The following ZEB2 variants were observed in gnomAD, a reference collection of about 807,000 sequenced individuals.
The protein encoded by ZEB2 is zinc finger E-box binding homeobox 2, also known as zinc finger E-box-binding homeobox 2.
Under a neutral mutation model 99.9 loss-of-function variants are expected in ZEB2, and 6 were observed. The observed-to-expected ratio is 0.06, with a 90% confidence interval of 0.03 to 0.12. ZEB2 has a LOEUF of 0.12. Ranked by LOEUF, ZEB2 falls within the 10% of genes least tolerant of loss-of-function variation. The pLI, the probability that ZEB2 is intolerant of heterozygous loss-of-function variation, is 1.00. For missense variants in ZEB2, 969 were observed against 1,502.8 expected (o/e 0.64, Z 5.87); for synonymous variants, 517 against 542.5 (o/e 0.95, Z 0.65).
chr2:144,398,243 A>G (rs1703256031), intron 8 of ZEB2, 58 bp downstream of exon 8: 2 of 1,604,478 alleles, frequency 1.2e-6, no homozygotes, highest in African/African-American at 1.3e-5. Context: ...CTACATGCAC[A>G]TAATCAAAAT....
intron 2 of ZEB2, among the ~76,000 whole-genome samples, chr2:144,483,429 G>A (rs909449851): frequency 4.6e-5 from 7 of 152,050 alleles, no homozygotes; most frequent in Non-Finnish European, 1.0e-4. Flanking sequence ...ACCATGAGTC[G>A]CAAATGTTAC....
chr2:144,514,576 A>G (rs1705098164), intron 2 of ZEB2: 1 of 152,266 alleles, frequency 6.6e-6, no homozygotes, highest in Non-Finnish European at 1.5e-5. Flanking sequence ...TCCCAAAGGG[A>G]AAGGCATTGG....
intron 2 of ZEB2, among the ~76,000 whole-genome samples, chr2:144,485,660 C>T (rs998632078): frequency 6.6e-5 from 10 of 152,140 alleles, no homozygotes; most frequent in Admixed American, 2.6e-4. Context: ...CACGCTGTCA[C>T]CTGAGCTGGG....
In ZEB2 at chr2:144,468,373, G is replaced by T. The variant is rs16823784; in HGVS notation, c.74-38347C>A. Among the ~76,000 whole-genome samples the T allele has an allele frequency of 9.9e-3, 1,499 of 152,166 alleles. 21 individuals carry two copies. The highest frequency in any genetic ancestry group is 0.034 in the African/African-American group (1,398 of 41,516). On this transcript the variant is annotated intron_variant, in intron 2 of 9. Coordinates refer to ENST00000627532, the MANE Select transcript of ZEB2 (RefSeq NM_014795.4). ...ATAAAACCATTTCATCTTGATGTTT[G>T]AAAAATCCTTTCATTACAAGAATAG...
At chr2:144,449,286 G>A (rs1387435186) in intron 2 of ZEB2, among the ~76,000 whole-genome samples, 1 of 152,144 alleles carries the variant, frequency 6.6e-6, no homozygotes, top group Non-Finnish European at 1.5e-5. Flanking sequence ...AGAAGACAGG[G>A]GGAGCTATTC....
At chr2:144,514,006 T>G in intron 2 of ZEB2, 2 of 886,088 alleles carry the variant, frequency 2.3e-6, no homozygotes, top group South Asian at 1.8e-5. Flanking sequence ...TCTTTCCTCC[T>G]GCACATCTTA....
In ZEB2 at chr2:144,399,550, T is replaced by A. The variant is rs1472332600; in HGVS notation, c.1637A>T (p.Asp546Val). The stretch of plus-strand genomic sequence containing the variant: ...TATATTACTGATCTGTCTCCTTGAG[T>A]CAGTAGTCAAGCTCTGGAGGCAAGC... ...AKACLQSLTT[D>V]SRRQISNIKK... Residue 546 changes from aspartate (D) to valine (V), a missense_variant, in exon 8 of 10, where the codon GAC becomes GTC. Coordinates refer to ENST00000627532, the MANE Select transcript of ZEB2 (RefSeq NM_014795.4). This position sits in a 1 kb window ranked among gnomAD's most constrained non-coding sequence, Gnocchi z 5.6. 6.2e-7 allele frequency: 1 copy of A among 1,614,182 alleles called. No homozygotes were observed. The highest frequency in any genetic ancestry group is 2.2e-5 in the East Asian group (1 of 44,882).
intron 4 of ZEB2, among the ~76,000 whole-genome samples, chr2:144,421,110 A>G (rs1703613352): frequency 6.6e-6 from 1 of 152,208 alleles, no homozygotes; most frequent in African/African-American, 2.4e-5. Context: ...CCAGGGCTCA[A>G]AAATATGTTA....
chr2:144,513,017 A>T, intron 2 of ZEB2: 1 of 1,287,280 alleles, frequency 7.8e-7, no homozygotes, highest in Non-Finnish European at 1.0e-6. Context: ...CTGGACTGAC[A>T]GTGATCCGAA....
At chr2:144,391,415 T>C (rs796082587) in intron 9 of ZEB2, among the ~76,000 whole-genome samples, 77 of 152,360 alleles carry the variant, frequency 5.1e-4, no homozygotes, top group African/African-American at 1.8e-3. Flanking sequence ...ACTAGTTATA[T>C]GGGAAATAAA....
chr2:144,489,072 TG>T (rs1704640536), intron 2 of ZEB2, among the ~76,000 whole-genome samples: 1 of 152,172 alleles, frequency 6.6e-6, no homozygotes, highest in Non-Finnish European at 1.5e-5. Flanking sequence ...TTGCTAACTA[TG>T]GGTGTATTGT....
chr2:144,513,621 G>A lies in ZEB2; in HGVS notation c.73+3657C>T, dbSNP rs574042983. 3.9e-6 allele frequency: 6 copies of A among 1,531,938 alleles called. No individual in the cohort carries two copies. The Admixed American group carries it at 1.2e-4, about 30-fold the overall frequency. 94.9% of individuals were successfully genotyped at this position (1,531,938 alleles called of 1,614,324 possible). On this transcript the variant is annotated intron_variant, in intron 2 of 9. Transcript: ENST00000627532. ...TGATGCTGGAAGGTGGCGGGATGGG[G>A]AGGCAGACCCTCTTCCCGGGCTCCG...
rs1573704514 is a variant in ZEB2, at chr2:144,386,193, G to T, written c.*3258C>A. On this transcript the variant is annotated 3_prime_UTR_variant, in exon 10 of 10. Transcript: ENST00000627532. ...GGTTAGATTTAGAACTAAGCGTGTG[G>T]GAAGAGTAAGTAGTTGATAAAACAG... 6.6e-6 allele frequency: 1 copy of T among 152,242 alleles called. No individual in the cohort carries two copies. The highest frequency in any genetic ancestry group is 1.9e-4 in the East Asian group (1 of 5,190). The allele number at this position is 152,242 out of a possible 1,614,324, so 9.4% of individuals were successfully genotyped here. A position where few individuals can be genotyped will look rare whatever the true frequency, so the allele number is the denominator to read the frequency against.
intron 2 of ZEB2, chr2:144,504,009 G>A (rs1409782710): frequency 7.2e-6 from 1 of 138,512 alleles, no homozygotes; most frequent in Non-Finnish European, 1.5e-5. Context: ...AATCTACTCA[G>A]AAGAGAACCC....
In ZEB2 at chr2:144,497,788, T is replaced by C. The variant is rs560676922; in HGVS notation, c.73+19490A>G. The C allele has an allele frequency of 5.8e-5, 9 of 156,116 alleles. No homozygotes were observed. The East Asian group carries it at 1.4e-3, about 24-fold the overall frequency. The allele number at this position is 156,116 out of a possible 1,614,324, so 9.7% of individuals were successfully genotyped here. The stretch of plus-strand genomic sequence containing the variant: ...CCCTGTAAGAGTACAGAGATGATAC[T>C]TGGTGGAGGGAGCTTGTATAAAAAG... On this transcript the variant is annotated intron_variant, in intron 2 of 9. Coordinates refer to ENST00000627532, the MANE Select transcript of ZEB2 (RefSeq NM_014795.4).
intron 4 of ZEB2, among the ~76,000 whole-genome samples, chr2:144,420,082 T>G (rs1007365902): frequency 6.6e-6 from 1 of 152,234 alleles, no homozygotes; most frequent in Non-Finnish European, 1.5e-5. Context: ...CTCCACCAAA[T>G]ATTCATTCAT....
intron 1 of ZEB2, 142 bp from the exon 2 acceptor site, chr2:144,517,561 T>A: frequency 3.4e-6 from 1 of 297,666 alleles, no homozygotes; most frequent in Non-Finnish European, 6.0e-6. Flanking sequence ...GGCGGCCCCC[T>A]CCCCGCCCCC....
At chr2:144,519,052 C>G (rs970276547) in intron 1 of ZEB2, among the ~76,000 whole-genome samples, 2 of 152,208 alleles carry the variant, frequency 1.3e-5, no homozygotes, top group African/African-American at 4.8e-5. Context: ...GGGCTCATCA[C>G]TGTTCCTGGG....
At chr2:144,519,014 G>C (rs1354995934) in intron 1 of ZEB2, among the ~76,000 whole-genome samples, 1 of 152,138 alleles carries the variant, frequency 6.6e-6, no homozygotes, top group East Asian at 1.9e-4. Context: ...ATATCAGTAG[G>C]TGGGAGATAA....
Sources: allele counts gnomAD v4.1 joint callset (sites outside exome capture counted in the v4.1 genomes callset), GRCh38; gene constraint gnomAD v4.1.1; non-coding constraint Gnocchi (gnomAD v3.1); transcripts MANE v1.5; gene names NCBI Gene and HGNC (gene_info 2026-07-23, HGNC 2026-07-21).